PPP3CA: variants seen among roughly 807,000 people sequenced by gnomAD.
PPP3CA encodes the protein protein phosphatase 3 catalytic subunit alpha, also known as CAM-PRP catalytic subunit.
A neutral mutation model predicts 66.5 loss-of-function variants in PPP3CA; 14 were observed. That is an observed-to-expected ratio of 0.21 (90% CI 0.14 to 0.33). The LOEUF (loss-of-function observed/expected upper bound fraction) is 0.33, where lower values mean the gene tolerates loss of function less well. PPP3CA is among the 10% of genes least tolerant of loss of function. The pLI is 1.00. For missense variants in PPP3CA, 317 were observed against 639.5 expected, an observed-to-expected ratio of 0.50 and a Z score of 5.44; for synonymous variants, 232 against 226.2, an observed-to-expected ratio of 1.03 and a Z score of -0.23.
chr4:101,063,115 G>T, intron 9 of PPP3CA, 117 bp downstream of exon 9: 3 of 1,265,236 alleles, frequency 2.4e-6, no homozygotes, highest in Non-Finnish European at 3.3e-6. Flanking sequence ...ATCTTTCATT[G>T]TACAACTTGT....
chr4:101,268,039 G>A (rs924604500), intron 1 of PPP3CA, among the ~76,000 whole-genome samples: 1 of 152,030 alleles, frequency 6.6e-6, no homozygotes, highest in African/African-American at 2.4e-5. Flanking sequence ...AAGCATGGTG[G>A]TATGTGCCTA....
intron 1 of PPP3CA, among the ~76,000 whole-genome samples, chr4:101,287,331 TCA>T (rs1274458258): frequency 6.6e-6 from 1 of 152,220 alleles, no homozygotes; most frequent in Non-Finnish European, 1.5e-5. Flanking sequence ...ACTTAAAAAG[TCA>T]CATTCATTTT....
At chr4:101,119,712 A>G (rs917233717) in intron 2 of PPP3CA, among the ~76,000 whole-genome samples, 1 of 152,096 alleles carries the variant, frequency 6.6e-6, no homozygotes, top group African/African-American at 2.4e-5. Context: ...ATTTAATTCT[A>G]AAGTCCACAT....
chr4:101,282,891 A>C (rs1021555725), intron 1 of PPP3CA, among the ~76,000 whole-genome samples: 3 of 152,214 alleles, frequency 2.0e-5, no homozygotes, highest in Non-Finnish European at 4.4e-5. Flanking sequence ...TAACTTTGAT[A>C]AAATAAGCAG....
At chr4:101,214,706 A>G (rs1157068347) in intron 1 of PPP3CA, among the ~76,000 whole-genome samples, 1 of 152,142 alleles carries the variant, frequency 6.6e-6, no homozygotes, top group African/African-American at 2.4e-5. Flanking sequence ...GGAGTCATTC[A>G]TATAGATTTA....
chr4:101,064,039 C>A (rs1418623235), intron 8 of PPP3CA, among the ~76,000 whole-genome samples: 1 of 151,930 alleles, frequency 6.6e-6, no homozygotes, highest in Non-Finnish European at 1.5e-5. Context: ...ACTATAGTTA[C>A]CCTATAGTAG....
intron 11 of PPP3CA, among the ~76,000 whole-genome samples, chr4:101,036,905 T>A (rs991020767): frequency 1.3e-5 from 2 of 152,196 alleles, no homozygotes; most frequent in African/African-American, 4.8e-5. Context: ...CTGGAACCCC[T>A]GTAGAATATT....
chr4:101,061,025 G>T, intron 10 of PPP3CA, 62 bp downstream of exon 10: 2 of 1,302,008 alleles, frequency 1.5e-6, no homozygotes, highest in Non-Finnish European at 1.1e-6. Flanking sequence ...CTTAGATTTA[G>T]CAATGAGACT....
intron 8 of PPP3CA, among the ~76,000 whole-genome samples, chr4:101,076,473 T>C (rs1049298690): frequency 6.6e-6 from 1 of 152,032 alleles, no homozygotes; most frequent in Non-Finnish European, 1.5e-5. Flanking sequence ...AAGAAAAACG[T>C]AAACAATAAA....
chr4:101,118,284 A>C (rs1399031510), intron 2 of PPP3CA, among the ~76,000 whole-genome samples: 1 of 152,034 alleles, frequency 6.6e-6, no homozygotes, highest in African/African-American at 2.4e-5. Context: ...TTCCAAAGCC[A>C]ATTTCCACCA....
intron 1 of PPP3CA, among the ~76,000 whole-genome samples, chr4:101,340,565 C>A (rs6837858): frequency 0.11 from 16,140 of 152,036 alleles, 2,908 homozygotes; most frequent in African/African-American, 0.37. Flanking sequence ...GAGGAATACA[C>A]AATTGTTATT....
At chr4:101,101,972 G>A (rs1384642226) in intron 3 of PPP3CA, among the ~76,000 whole-genome samples, 1 of 152,066 alleles carries the variant, frequency 6.6e-6, no homozygotes, top group Non-Finnish European at 1.5e-5. Flanking sequence ...TTTGCTATCT[G>A]TTAAAGACCT....
chr4:101,034,623 T>A (rs1431777972), intron 11 of PPP3CA, among the ~76,000 whole-genome samples: 1 of 152,074 alleles, frequency 6.6e-6, no homozygotes, highest in East Asian at 1.9e-4. Context: ...CAAAAATATT[T>A]GCCAAAAATA....
chr4:101,164,412 A>G (rs1723620987), intron 2 of PPP3CA, among the ~76,000 whole-genome samples: 1 of 152,216 alleles, frequency 6.6e-6, no homozygotes, highest in African/African-American at 2.4e-5. Flanking sequence ...AGTACTTGGC[A>G]TATAATAATA....
At chr4:101,065,071 A>G (rs774725165) in intron 8 of PPP3CA, among the ~76,000 whole-genome samples, 7 of 152,004 alleles carry the variant, frequency 4.6e-5, no homozygotes, top group Non-Finnish European at 7.4e-5. Flanking sequence ...CTTCCTGTGG[A>G]ATACTAATTC....
chr4:101,333,291 T>G (rs1296679619), intron 1 of PPP3CA, among the ~76,000 whole-genome samples: 3 of 118,384 alleles, frequency 2.5e-5, no homozygotes, highest in African/African-American at 1.0e-4. Flanking sequence ...TTTTTTTTTT[T>G]TTTTTTTTTT....
chr4:101,289,640 T>C (rs1025289908), intron 1 of PPP3CA, among the ~76,000 whole-genome samples: 1 of 152,236 alleles, frequency 6.6e-6, no homozygotes, highest in Non-Finnish European at 1.5e-5. Context: ...TCCAGTCTCT[T>C]ATGTATAAAC....
intron 1 of PPP3CA, among the ~76,000 whole-genome samples, chr4:101,259,684 A>G (rs540740750): frequency 6.6e-6 from 1 of 152,256 alleles, no homozygotes; most frequent in South Asian, 2.1e-4. Context: ...AAAATTTACA[A>G]ATTCTGAAAG....
chr4:101,116,720 ATAAAC>A (rs988222332), intron 2 of PPP3CA, among the ~76,000 whole-genome samples: 1 of 151,968 alleles, frequency 6.6e-6, no homozygotes, highest in African/African-American at 2.4e-5. Context: ...GTATCATAAA[ATAAAC>A]TAAATAAGAA....
Sources: allele counts gnomAD v4.1 joint callset (sites outside exome capture counted in the v4.1 genomes callset), GRCh38; gene constraint gnomAD v4.1.1; transcripts MANE v1.5; gene names NCBI Gene and HGNC (gene_info 2026-07-23, HGNC 2026-07-21).